The following RAB27A variants were observed in gnomAD, a reference collection of about 807,000 sequenced individuals.
The protein encoded by RAB27A is ras-related protein Rab-27A.
In RAB27A, 17 loss-of-function variants were observed where a neutral mutation model predicts 20.8. That is an observed-to-expected ratio of 0.82 (90% confidence interval 0.56 to 1.23). The LOEUF is 1.23. RAB27A is among the 50% of genes most tolerant of loss of function. The pLI is 0.00. For synonymous variants in RAB27A, 85 were observed against 92.8 expected (o/e 0.92, Z 0.48); for missense variants, 277 against 266.7 (o/e 1.04, Z -0.27).
At chr15:55,231,778 C>T (rs902287895) in intron 3 of RAB27A, among the ~76,000 whole-genome samples, 2 of 152,132 alleles carry the variant, frequency 1.3e-5, no homozygotes, top group African/African-American at 2.4e-5. Flanking sequence ...TTTGACCTCA[C>T]TCAAAGCTTG....
At chr15:55,281,874 G>A (rs188903420) in intron 1 of RAB27A, among the ~76,000 whole-genome samples, 64 of 152,252 alleles carry the variant, frequency 4.2e-4, no homozygotes, top group Admixed American at 3.5e-3. Flanking sequence ...TAAGCAGAAG[G>A]ATATGAATTG....
intron 6 of RAB27A, among the ~76,000 whole-genome samples, chr15:55,211,958 CTTTTTTTT>C (rs539618132): frequency 8.0e-6 from 1 of 124,368 alleles, no homozygotes; most frequent in Non-Finnish European, 1.7e-5. Context: ...GGACTATAAC[CTTTTTTTT>C]TTTTTTTTTT....
chr15:55,283,399 A>G (rs1451064398), intron 1 of RAB27A, among the ~76,000 whole-genome samples: 2 of 152,162 alleles, frequency 1.3e-5, no homozygotes, highest in Admixed American at 6.5e-5. Context: ...TGATTCTTCC[A>G]CATTCAAGCA....
At chr15:55,227,270 G>T (rs949148430) in intron 5 of RAB27A, among the ~76,000 whole-genome samples, 1 of 152,096 alleles carries the variant, frequency 6.6e-6, no homozygotes, top group Admixed American at 6.5e-5. Flanking sequence ...AAACAGGTGC[G>T]TTATTTTTTG....
chr15:55,215,832 G>A (rs1320525743), intron 6 of RAB27A, among the ~76,000 whole-genome samples: 4 of 150,632 alleles, frequency 2.7e-5, no homozygotes, highest in African/African-American at 9.8e-5. Flanking sequence ...TATAATCCCA[G>A]CTACTCAGGA....
rs940567234 is a variant in RAB27A, at chr15:55,319,059, A to G, written c.-362T>C. Reference sequence around the variant, plus strand: ...GACCGCCAAGCCAAAGGCGAGTAGCAATCCCTCGGTTCGGAAACGGCGAAA... The same window carrying G: ...GACCGCCAAGCCAAAGGCGAGTAGCGATCCCTCGGTTCGGAAACGGCGAAA... On this transcript the variant is annotated 5_prime_UTR_variant, in exon 1 of 6. Coordinates refer to the RAB27A transcript ENST00000563262. The G allele has an allele frequency of 1.1e-5, 7 of 639,210 alleles. No individual in the cohort carries two copies. In the Admixed American group the frequency reaches 1.3e-4, roughly 12 times the overall value. 39.6% of individuals were successfully genotyped at this position (639,210 alleles called of 1,614,324 possible). A position where few individuals can be genotyped will look rare whatever the true frequency, so the allele number is the denominator to read the frequency against.
intron 4 of RAB27A, among the ~76,000 whole-genome samples, chr15:55,229,254 C>A (rs907097011): frequency 6.6e-6 from 1 of 150,672 alleles, no homozygotes; most frequent in Non-Finnish European, 1.5e-5. Flanking sequence ...AGTTTCCTCT[C>A]GTCTTTGCCT....
chr15:55,248,496 G>T (rs149052794), intron 2 of RAB27A, among the ~76,000 whole-genome samples: 8 of 152,238 alleles, frequency 5.3e-5, no homozygotes, highest in African/African-American at 1.4e-4. Flanking sequence ...TGTGTCTTCA[G>T]GTACTCCCAC....
At chr15:55,312,867 G>C (rs1248451726) in intron 2 of RAB27A, among the ~76,000 whole-genome samples, 2 of 152,284 alleles carry the variant, frequency 1.3e-5, no homozygotes, top group African/African-American at 4.8e-5. Context: ...TTGAGCATGT[G>C]ACATGCTCTA....
intron 6 of RAB27A, among the ~76,000 whole-genome samples, chr15:55,208,472 C>T (rs1317695924): frequency 6.6e-6 from 1 of 152,124 alleles, no homozygotes; most frequent in Non-Finnish European, 1.5e-5. Flanking sequence ...AAACAAAGAG[C>T]CTAGATTCAT....
intron 1 of RAB27A, among the ~76,000 whole-genome samples, chr15:55,276,304 C>T (rs969078170): frequency 6.6e-6 from 1 of 152,142 alleles, no homozygotes; most frequent in African/African-American, 2.4e-5. Context: ...TAAATCCTGC[C>T]ACCTGTGACA....
intron 2 of RAB27A, among the ~76,000 whole-genome samples, chr15:55,297,138 C>A (rs987218312): frequency 6.6e-6 from 1 of 152,092 alleles, no homozygotes; most frequent in Non-Finnish European, 1.5e-5. Context: ...TTTATTGGTA[C>A]CAGAGGCTCA....
chr15:55,229,317 T>A (rs1048771684), intron 4 of RAB27A, among the ~76,000 whole-genome samples: 1 of 152,312 alleles, frequency 6.6e-6, no homozygotes. Context: ...AATATTGGTA[T>A]GAATTTGTCA....
intron 2 of RAB27A, among the ~76,000 whole-genome samples, chr15:55,308,055 T>C (rs1199645862): frequency 1.3e-5 from 2 of 152,214 alleles, no homozygotes; most frequent in East Asian, 3.8e-4. Context: ...TTTCTTCTTC[T>C]GAGTACTGGG....
chr15:55,254,946 C>G (rs1398808640), intron 2 of RAB27A, among the ~76,000 whole-genome samples: 1 of 152,196 alleles, frequency 6.6e-6, no homozygotes, highest in African/African-American at 2.4e-5. Context: ...TTTAAAGCAT[C>G]TCTTTGATTT....
intron 2 of RAB27A, among the ~76,000 whole-genome samples, chr15:55,252,367 G>T (rs1896921216): frequency 6.6e-6 from 1 of 152,192 alleles, no homozygotes. Flanking sequence ...ACTTTGGCAG[G>T]CCAAGGCAGG....
chr15:55,304,257 G>A (rs1397910520), intron 2 of RAB27A, among the ~76,000 whole-genome samples: 26 of 151,040 alleles, frequency 1.7e-4, no homozygotes, highest in African/African-American at 6.1e-4. Flanking sequence ...ACAGATGCTT[G>A]AAGGCAGCAT....
At chr15:55,249,336 G>A (rs542078140) in intron 2 of RAB27A, among the ~76,000 whole-genome samples, 8 of 152,086 alleles carry the variant, frequency 5.3e-5, no homozygotes, top group East Asian at 1.9e-4. Flanking sequence ...GTGCACTGGC[G>A]CAATTATGTC....
At chr15:55,252,687 G>A (rs1486303509) in intron 2 of RAB27A, among the ~76,000 whole-genome samples, 2 of 151,046 alleles carry the variant, frequency 1.3e-5, no homozygotes. Context: ...CAGACAGACA[G>A]ATAGATACAG....
Sources: allele counts gnomAD v4.1 joint callset (sites outside exome capture counted in the v4.1 genomes callset), GRCh38; gene constraint gnomAD v4.1.1; transcripts MANE v1.5; gene names NCBI Gene and HGNC (gene_info 2026-07-23, HGNC 2026-07-21).